MED12L: variants seen among roughly 807,000 people sequenced by gnomAD.
The protein encoded by MED12L is mediator complex subunit 12L, also known as mediator of RNA polymerase II transcription subunit 12-like protein.
A neutral mutation model predicts 281.3 loss-of-function variants in MED12L; 60 were observed. The ratio of observed to expected loss-of-function variants is 0.21; its 90% CI spans 0.17 to 0.26. The LOEUF (loss-of-function observed/expected upper bound fraction) is 0.26. MED12L is among the 10% of genes least tolerant of loss of function. The pLI is 1.00. For missense variants in MED12L, 2,146 were observed against 2,680.9 expected (o/e 0.80, Z 4.41); for synonymous variants, 974 against 987.2 (o/e 0.99, Z 0.25).
intron 39 of MED12L, among the ~76,000 whole-genome samples, chr3:151,400,569 G>A (rs988780090): frequency 6.6e-6 from 1 of 152,184 alleles, no homozygotes; most frequent in African/African-American, 2.4e-5. Flanking sequence ...CATCATTTGT[G>A]TATCCAAATC....
At chr3:151,247,381 A>G (rs918192018) in intron 16 of MED12L, among the ~76,000 whole-genome samples, 1 of 152,184 alleles carries the variant, frequency 6.6e-6, no homozygotes, top group African/African-American at 2.4e-5. Context: ...CAACAATGAT[A>G]GACTGGATTA....
chr3:151,275,674 T>C (rs917264698), intron 16 of MED12L, among the ~76,000 whole-genome samples: 1 of 152,056 alleles, frequency 6.6e-6, no homozygotes, highest in Non-Finnish European at 1.5e-5. Flanking sequence ...TTTTTAAGGG[T>C]GCTAGGGAGG....
chr3:151,243,707 A>G (rs1734737642), intron 16 of MED12L, among the ~76,000 whole-genome samples: 1 of 152,110 alleles, frequency 6.6e-6, no homozygotes, highest in South Asian at 2.1e-4. Flanking sequence ...AACTGCATCA[A>G]CTAACGAGCA....
In MED12L at chr3:151,329,452, C is replaced by T. The variant is rs777795584; in HGVS notation, c.2251-20607C>T. 4.9e-6 allele frequency: 7 copies of T among 1,437,490 alleles called. No homozygotes were observed. The South Asian group carries it at 8.7e-5, about 18-fold the overall frequency. The allele number at this position is 1,437,490 out of a possible 1,614,324, so 89.0% of individuals were successfully genotyped here. ...GCATATTCTTTTATATAAGCAAGCACACTCATAATAACAAAAATTGAAATT... is the reference window on the plus strand; with the variant it reads ...GCATATTCTTTTATATAAGCAAGCATACTCATAATAACAAAAATTGAAATT... On this transcript the variant is annotated intron_variant, in intron 16 of 44. Coordinates refer to ENST00000687756, the MANE Select transcript of MED12L (RefSeq NM_001393769.1).
In MED12L at chr3:151,378,498, AT is replaced by A. The variant is rs535091241; in HGVS notation, c.4478+332del. 6.7e-4 allele frequency among the ~76,000 whole-genome samples: 101 copies of A among 151,754 alleles called. 1 individual carries two copies. The Middle Eastern group carries it at 0.01, about 15-fold the overall frequency. ...CTGTATTTTATTTTTAATTATTTCT[AT>A]TTTTTTATTATTTAGATATTTATGT... On this transcript the variant is annotated intron_variant, in intron 31 of 44. Transcript: ENST00000687756.
Position 151,158,571 on chromosome 3 carries a change from A to G in MED12L, c.727-118A>G. 5 of 616,690 alleles carry G rather than the reference A, an allele frequency of 8.1e-6. 1 individual carries two copies. The South Asian group carries it at 1.1e-4, about 14-fold the overall frequency. The allele number at this position is 616,690 out of a possible 1,614,324, so 38.2% of individuals were successfully genotyped here. A position where few individuals can be genotyped will look rare whatever the true frequency, so the allele number is the denominator to read the frequency against. ...TAGAATTTGGACTGTGAGCAATGAG[A>G]CTATGTTTAACAACAACAAAAACAG... On this transcript the variant is annotated intron_variant, in intron 6 of 44. Transcript: ENST00000687756.
chr3:151,339,045 T>C (rs535868294), intron 16 of MED12L, among the ~76,000 whole-genome samples: 1 of 152,304 alleles, frequency 6.6e-6, no homozygotes, highest in South Asian at 2.1e-4. Flanking sequence ...ATATTGCATC[T>C]CTGCTGAAGA....
At chr3:151,308,355 T>G (rs1174533308) in intron 16 of MED12L, among the ~76,000 whole-genome samples, 2 of 152,092 alleles carry the variant, frequency 1.3e-5, no homozygotes, top group Non-Finnish European at 2.9e-5. Context: ...CTTACTGAGG[T>G]GAAACATGTA....
At chr3:151,328,854 C>G in intron 16 of MED12L, 1 of 1,613,934 alleles carries the variant, frequency 6.2e-7, no homozygotes, top group Non-Finnish European at 8.5e-7. Flanking sequence ...TGAACAAACA[C>G]CCACAGAGCC....
In MED12L at chr3:151,160,089, T is replaced by C. The variant is rs755280567; in HGVS notation, c.1095T>C (p.Ser365=). The stretch of plus-strand genomic sequence containing the variant: ...ATGGTCCCCTGGTTTATGGACTTAG[T>C]TGTATGTTGCAGGTAAGTCCTTGGC... ...AQHGPLVYGL[S]CMLQTVTLCC... The change falls in exon 8 of 45, where the codon AGT becomes AGC. Residue 365 remains serine (S), a synonymous_variant. Coordinates refer to ENST00000687756, the MANE Select transcript of MED12L (RefSeq NM_001393769.1). The C allele has an allele frequency of 1.0e-5, 16 of 1,598,756 alleles. No homozygotes were observed. The highest frequency in any genetic ancestry group is 1.3e-5 in the Non-Finnish European group (15 of 1,170,672).
At chr3:151,281,304 G>A (rs1306631582) in intron 16 of MED12L, among the ~76,000 whole-genome samples, 5 of 150,628 alleles carry the variant, frequency 3.3e-5, no homozygotes, top group Non-Finnish European at 7.4e-5. Flanking sequence ...CAGCTGCTCA[G>A]GAGGCTGAGG....
chr3:151,272,771 T>G (rs1251945885), intron 16 of MED12L, among the ~76,000 whole-genome samples: 1 of 152,158 alleles, frequency 6.6e-6, no homozygotes, highest in Non-Finnish European at 1.5e-5. Flanking sequence ...TGTTAATGGC[T>G]ATAATGTTTT....
At chr3:151,181,576 C>CTTTTTTTTTT (rs57658133) in intron 11 of MED12L, among the ~76,000 whole-genome samples, 2 of 47,098 alleles carry the variant, frequency 4.2e-5, no homozygotes, top group African/African-American at 7.1e-5. Flanking sequence ...AGCTCATTGT[C>CTTTTTTTTTT]TTTTTTTTTT....
chr3:151,413,402 A>C, intron 42 of MED12L, 107 bp downstream of exon 42: 1 of 1,321,618 alleles, frequency 7.6e-7, no homozygotes, highest in Non-Finnish European at 1.0e-6. Flanking sequence ...CCAGATTCCA[A>C]GGATCCCTGT....
At chr3:151,337,195 G>A (rs1751118055) in intron 16 of MED12L, 1 of 151,872 alleles carries the variant, frequency 6.6e-6, no homozygotes, top group Admixed American at 6.6e-5. Context: ...TTATTGTAAA[G>A]GTCTTCTTTA....
intron 13 of MED12L, among the ~76,000 whole-genome samples, chr3:151,189,271 T>G (rs2149089873): frequency 6.6e-6 from 1 of 152,262 alleles, no homozygotes; most frequent in African/African-American, 2.4e-5. Flanking sequence ...TGAGGTTCTT[T>G]GAGACAAAGG....
Position 151,231,250 on chromosome 3 carries a change from A to G in MED12L, c.2250+37584A>G, listed in dbSNP as rs541897400. Among the ~76,000 whole-genome samples, 16 of 152,344 alleles carry G rather than the reference A, an allele frequency of 1.1e-4. No homozygotes were observed. In the South Asian group the frequency reaches 2.1e-3, roughly 20 times the overall value. ...GAATTTAGGACATCACCATTTTGCA[A>G]CCTCAGTGTGATAACTGATTCAGGC... is the stretch of plus-strand genomic sequence containing the variant. On this transcript the variant is annotated intron_variant, in intron 16 of 44. Transcript: ENST00000687756.
In MED12L at chr3:151,382,872, G is replaced by C; in HGVS notation, c.4680+127G>C. The C allele has an allele frequency of 4.5e-6, 3 of 659,610 alleles. No homozygotes were observed. The South Asian group carries it at 6.6e-5, about 15-fold the overall frequency. The allele number at this position is 659,610 out of a possible 1,614,324, so 40.9% of individuals were successfully genotyped here. A position where few individuals can be genotyped will look rare whatever the true frequency, so the allele number is the denominator to read the frequency against. On this transcript the variant is annotated intron_variant, in intron 33 of 44. Transcript: ENST00000687756. ...TGAGGCCTTCCACTCTTTGCTCTCT[G>C]TAATTACTTCCCTGTTTCTAAAGCC...
intron 16 of MED12L, among the ~76,000 whole-genome samples, chr3:151,315,795 G>A (rs1021519052): frequency 2.0e-5 from 3 of 152,160 alleles, no homozygotes; most frequent in African/African-American, 7.2e-5. Flanking sequence ...TGTTAAAAAT[G>A]TTAATATACC....
Sources: gnomAD v4.1 joint callset for allele counts (sites outside exome capture counted in the v4.1 genomes callset) on GRCh38, gnomAD v4.1.1 for gene constraint, MANE v1.5 for transcripts, NCBI Gene and HGNC (gene_info 2026-07-23, HGNC 2026-07-21) for gene names.